Variants in KIF6 observed in about 807,000 individuals in gnomAD.
KIF6 encodes kinesin-like protein KIF6.
KIF6 carries 106 observed loss-of-function variants against 112.7 expected under a neutral mutation model. That is an observed-to-expected ratio of 0.94 (90% CI 0.80 to 1.11). KIF6 has a LOEUF of 1.11. Among genes scored for constraint, KIF6 ranks in the 50% least tolerant of loss-of-function variants. The pLI is 0.00. For missense variants in KIF6, 929 were observed against 964.0 expected (o/e 0.96, Z 0.48); for synonymous variants, 339 against 339.9 (o/e 1.00, Z 0.03).
chr6:39,607,499 A>G (rs1582258186), intron 6 of KIF6, among the ~76,000 whole-genome samples: 1 of 152,326 alleles, frequency 6.6e-6, no homozygotes, highest in East Asian at 1.9e-4. Flanking sequence ...TATAATAGAT[A>G]AGAAAAGAGG....
chr6:39,478,604 G>T (rs888807495), intron 13 of KIF6, among the ~76,000 whole-genome samples: 1 of 152,032 alleles, frequency 6.6e-6, no homozygotes, highest in Non-Finnish European at 1.5e-5. Flanking sequence ...GTTCTTTAAG[G>T]AATCGCCGCA....
At chr6:39,346,132 CCT>C (rs779814201) in intron 20 of KIF6, among the ~76,000 whole-genome samples, 767 of 26,720 alleles carry the variant, frequency 0.029, 11 homozygotes, top group Non-Finnish European at 0.034. Flanking sequence ...CCTCCCTCTC[CCT>C]CTCTCTCTCT....
At chr6:39,493,353 G>A (rs750782344) in intron 13 of KIF6, among the ~76,000 whole-genome samples, 1 of 152,182 alleles carries the variant, frequency 6.6e-6, no homozygotes, top group African/African-American at 2.4e-5. Context: ...CCTGCCCAAG[G>A]TTGTGTAATT....
chr6:39,615,560 G>A (rs1783476422), intron 5 of KIF6, among the ~76,000 whole-genome samples: 1 of 123,252 alleles, frequency 8.1e-6, no homozygotes, highest in Non-Finnish European at 1.6e-5. Context: ...ATTCTGATTT[G>A]ATTGGTCCAG....
intron 19 of KIF6, among the ~76,000 whole-genome samples, chr6:39,349,631 CTTTTTTTTTTTTTTTTT>C (rs58810898): frequency 4.6e-5 from 3 of 64,544 alleles, no homozygotes; most frequent in Non-Finnish European, 8.4e-5. Context: ...ATTTGTGGCT[CTTTTTTTTTTTTTTTTT>C]TTTTTTTTTT....
At chr6:39,574,151 TTTAA>T (rs1252949950) in intron 10 of KIF6, among the ~76,000 whole-genome samples, 1 of 152,204 alleles carries the variant, frequency 6.6e-6, no homozygotes, top group African/African-American at 2.4e-5. Flanking sequence ...GAAAGAAAAA[TTTAA>T]TTGTTATTTG....
At chr6:39,502,477 C>A (rs1363013348) in intron 13 of KIF6, among the ~76,000 whole-genome samples, 5 of 152,134 alleles carry the variant, frequency 3.3e-5, no homozygotes, top group African/African-American at 1.2e-4. Context: ...ATGACAGGAT[C>A]AAATCCACAC....
intron 13 of KIF6, among the ~76,000 whole-genome samples, chr6:39,468,118 G>T (rs1773903061): frequency 6.6e-6 from 1 of 151,766 alleles, no homozygotes; most frequent in Non-Finnish European, 1.5e-5. Context: ...TGAACTGACA[G>T]AAGAATTAGT....
At chr6:39,704,227 C>T (rs1789049120) in intron 3 of KIF6, among the ~76,000 whole-genome samples, 2 of 152,120 alleles carry the variant, frequency 1.3e-5, no homozygotes, top group African/African-American at 4.8e-5. Context: ...ACTGAGCAAT[C>T]ACATATACTG....
chr6:39,338,725 C>T (rs1255210812), intron 22 of KIF6, among the ~76,000 whole-genome samples: 1 of 152,178 alleles, frequency 6.6e-6, no homozygotes, highest in South Asian at 2.1e-4. Flanking sequence ...AAACTCACTG[C>T]TTTTGTCTCT....
At chr6:39,439,567 T>C (rs1327882936) in intron 13 of KIF6, among the ~76,000 whole-genome samples, 5 of 152,184 alleles carry the variant, frequency 3.3e-5, no homozygotes, top group East Asian at 1.9e-4. Context: ...TGAACTTTGA[T>C]AGTGGTCAAA....
At chr6:39,577,345 CT>C (rs1781028235) in intron 10 of KIF6, among the ~76,000 whole-genome samples, 1 of 152,234 alleles carries the variant, frequency 6.6e-6, no homozygotes, top group South Asian at 2.1e-4. Flanking sequence ...TATAGTATAT[CT>C]TTAGAAATCC....
At position 39,673,868 on chromosome 6, in the gene KIF6, G is replaced by A. The variant is rs542558160; in HGVS notation, c.252-34111C>T. Among the ~76,000 whole-genome samples the A allele has an allele frequency of 2.0e-5, 3 of 152,214 alleles. No homozygotes were observed. The South Asian group carries it at 6.2e-4, about 32-fold the overall frequency. Reference sequence around the variant, plus strand: ...AAATTAAGCTCTTTCACTGAAAACTGTTTGTCTAACAAATCTTGAAAGGCC... The same window carrying A: ...AAATTAAGCTCTTTCACTGAAAACTATTTGTCTAACAAATCTTGAAAGGCC... On this transcript the variant is annotated intron_variant, in intron 3 of 22. Transcript: ENST00000287152.
At chr6:39,649,211 T>C (rs555589637) in intron 3 of KIF6, among the ~76,000 whole-genome samples, 2 of 152,128 alleles carry the variant, frequency 1.3e-5, no homozygotes. Context: ...TCTGGCAACA[T>C]CATTCTAAGA....
chr6:39,592,779 G>A (rs1782025890), intron 7 of KIF6, among the ~76,000 whole-genome samples: 1 of 152,156 alleles, frequency 6.6e-6, no homozygotes, highest in Non-Finnish European at 1.5e-5. Flanking sequence ...CCATACTCTG[G>A]CAAAAAGAAA....
intron 3 of KIF6, among the ~76,000 whole-genome samples, chr6:39,681,352 GT>G (rs1787497961): frequency 6.6e-6 from 1 of 151,932 alleles, no homozygotes; most frequent in African/African-American, 2.4e-5. Flanking sequence ...ACTGTATTCT[GT>G]TTTGTTTTGT....
chr6:39,556,702 C>G (rs922790723), intron 10 of KIF6, among the ~76,000 whole-genome samples: 4 of 152,052 alleles, frequency 2.6e-5, no homozygotes, highest in Non-Finnish European at 1.5e-5. Context: ...AGACAGGCCT[C>G]AAGTGGATAA....
In KIF6 at chr6:39,332,489, T is replaced by G. The variant is rs2113867822; in HGVS notation, c.*4043A>C. The G allele has an allele frequency of 6.6e-6, 1 of 152,338 alleles. No homozygotes were observed. The highest frequency in any genetic ancestry group is 6.5e-5 in the Admixed American group (1 of 15,304). The allele number at this position is 152,338 out of a possible 1,614,324, so 9.4% of individuals were successfully genotyped here. ...CCTTTGGGGCTGGCTTTTTAAGCTT[T>G]GTTAGGTGGGACCAGAGCAATCTAT... On this transcript the variant is annotated 3_prime_UTR_variant, in exon 23 of 23. Coordinates refer to ENST00000287152, the MANE Select transcript of KIF6 (RefSeq NM_145027.6).
chr6:39,518,876 T>C (rs1220509971), intron 13 of KIF6, among the ~76,000 whole-genome samples: 1 of 152,204 alleles, frequency 6.6e-6, no homozygotes, highest in Non-Finnish European at 1.5e-5. Context: ...TAAACACATC[T>C]CAATGGCACA....
Sources: allele counts gnomAD v4.1 joint callset (sites outside exome capture counted in the v4.1 genomes callset), GRCh38; gene constraint gnomAD v4.1.1; transcripts MANE v1.5; gene names NCBI Gene and HGNC (gene_info 2026-07-23, HGNC 2026-07-21).